Variants in HMGCLL1 observed in about 807,000 individuals in gnomAD.
The protein encoded by HMGCLL1 is 3-hydroxymethyl-3-methylglutaryl-CoA lyase, cytoplasmic.
A neutral mutation model predicts 39.1 loss-of-function variants in HMGCLL1; 36 were observed. That is an observed-to-expected ratio of 0.92 (90% CI 0.71 to 1.22). The LOEUF (loss-of-function observed/expected upper bound fraction) is 1.22. HMGCLL1 is among the 50% of genes most tolerant of loss of function. The pLI is 0.00. For missense variants in HMGCLL1, 451 were observed against 416.5 expected (o/e 1.08, Z -0.72); for synonymous variants, 149 against 144.0 (o/e 1.03, Z -0.25).
chr6:55,662,688 G>T, the HMGCLL1 span, among the ~76,000 whole-genome samples: 1 of 151,766 alleles, frequency 6.6e-6, no homozygotes, highest in Non-Finnish European at 1.5e-5. Flanking sequence ...GATGATGATG[G>T]CCTCATAGAA....
intron 7 of HMGCLL1, among the ~76,000 whole-genome samples, chr6:55,477,309 TATA>T (rs1765443696): frequency 3.7e-4 from 5 of 13,544 alleles, no homozygotes; most frequent in Non-Finnish European, 4.9e-4. Context: ...ATATATTATA[TATA>T]TAATATATAT....
At chr6:55,550,049 C>T (rs1478319884) in intron 1 of HMGCLL1, among the ~76,000 whole-genome samples, 1 of 151,866 alleles carries the variant, frequency 6.6e-6, no homozygotes, top group East Asian at 1.9e-4. Context: ...AACAAAAATT[C>T]TCAGAAAACA....
intron 1 of HMGCLL1, among the ~76,000 whole-genome samples, chr6:55,567,104 A>G (rs1270084230): frequency 1.3e-5 from 2 of 152,134 alleles, no homozygotes; most frequent in Non-Finnish European, 2.9e-5. Context: ...CATTTAATAA[A>G]GAGATATTTC....
intron 7 of HMGCLL1, among the ~76,000 whole-genome samples, chr6:55,489,319 A>G (rs1766198210): frequency 6.6e-6 from 1 of 152,064 alleles, no homozygotes; most frequent in East Asian, 1.9e-4. Context: ...AAGATATTGA[A>G]AACAAGATTA....
chr6:55,471,162 TACATA>T (rs901849356), intron 7 of HMGCLL1, among the ~76,000 whole-genome samples: 5 of 151,988 alleles, frequency 3.3e-5, no homozygotes, highest in Admixed American at 2.0e-4. Context: ...TTTTGGACTT[TACATA>T]ACTAGAATAT....
intron 7 of HMGCLL1, among the ~76,000 whole-genome samples, chr6:55,456,808 G>A (rs1581800646): frequency 6.6e-6 from 1 of 152,088 alleles, no homozygotes; most frequent in East Asian, 1.9e-4. Context: ...CAGCCTATAG[G>A]GCTCACTGCT....
chr6:55,436,171 C>T (rs546546468), intron 8 of HMGCLL1, among the ~76,000 whole-genome samples: 48 of 151,678 alleles, frequency 3.2e-4, no homozygotes, highest in African/African-American at 1.0e-3. Context: ...ATCCTCTTTA[C>T]TATATAAAGA....
At chr6:55,488,592 A>G (rs1207660757) in intron 7 of HMGCLL1, among the ~76,000 whole-genome samples, 2 of 152,044 alleles carry the variant, frequency 1.3e-5, no homozygotes, top group African/African-American at 4.8e-5. Context: ...AATAATTTAT[A>G]TTGTATATTA....
At chr6:55,596,245 T>G in the HMGCLL1 span, among the ~76,000 whole-genome samples, 3 of 152,156 alleles carry the variant, frequency 2.0e-5, no homozygotes, top group African/African-American at 7.2e-5. Context: ...GAAAATCGCT[T>G]GAGCCCGGGA....
intron 7 of HMGCLL1, among the ~76,000 whole-genome samples, chr6:55,443,176 A>G (rs1007255085): frequency 6.6e-5 from 10 of 152,126 alleles, no homozygotes; most frequent in Non-Finnish European, 2.9e-5. Flanking sequence ...CCCTTTATCA[A>G]TCCGGGGTAT....
the HMGCLL1 span, among the ~76,000 whole-genome samples, chr6:55,670,329 C>A: frequency 6.6e-6 from 1 of 151,576 alleles, no homozygotes; most frequent in African/African-American, 2.4e-5. Context: ...TGCCAGCAGG[C>A]CTGCTATTTA....
At chr6:55,486,045 C>A in intron 7 of HMGCLL1, among the ~76,000 whole-genome samples, 1 of 150,314 alleles carries the variant, frequency 6.7e-6, no homozygotes, top group Non-Finnish European at 1.5e-5. Context: ...AACATACACA[C>A]AAGTTAAGGG....
intron 7 of HMGCLL1, among the ~76,000 whole-genome samples, chr6:55,475,918 T>A (rs567035916): frequency 6.6e-6 from 1 of 151,712 alleles, no homozygotes; most frequent in Admixed American, 6.6e-5. Flanking sequence ...TGAATTTCTT[T>A]CTCAGCTCTC....
the HMGCLL1 span, among the ~76,000 whole-genome samples, chr6:55,599,444 TAAGTTGGAAG>T: frequency 1.3e-5 from 2 of 152,090 alleles, no homozygotes; most frequent in African/African-American, 2.4e-5. Context: ...ATAAAGAAGA[TAAGTTGGAAG>T]AAGTTGGAAG....
intron 1 of HMGCLL1, among the ~76,000 whole-genome samples, chr6:55,561,488 C>T (rs1770944632): frequency 6.6e-6 from 1 of 152,092 alleles, no homozygotes; most frequent in Admixed American, 6.6e-5. Context: ...AAAGCCATTT[C>T]CTGGGATCCC....
At chr6:55,506,439 C>G (rs146359301) in intron 5 of HMGCLL1, among the ~76,000 whole-genome samples, 2 of 151,628 alleles carry the variant, frequency 1.3e-5, no homozygotes, top group African/African-American at 4.8e-5. Flanking sequence ...GGTAGAGTAG[C>G]CTTCCCTTAT....
chr6:55,649,971 A>G, the HMGCLL1 span, among the ~76,000 whole-genome samples: 108 of 148,574 alleles, frequency 7.3e-4, no homozygotes, highest in African/African-American at 2.5e-3. Context: ...AATTTATCTG[A>G]TATAATTCTG....
At chr6:55,586,219 G>A in the HMGCLL1 span, among the ~76,000 whole-genome samples, 30 of 151,952 alleles carry the variant, frequency 2.0e-4, no homozygotes, top group Non-Finnish European at 2.1e-4. Context: ...AGAAGTAAAG[G>A]CAGTAGGTTT....
chr6:55,439,367 C>T, intron 8 of HMGCLL1, 67 bp downstream of exon 8: 1 of 1,506,772 alleles, frequency 6.6e-7, no homozygotes, highest in Non-Finnish European at 9.0e-7. Context: ...CTTCCCACAT[C>T]TTAGAAGCTT....
Sources: gnomAD v4.1 joint callset for allele counts (sites outside exome capture counted in the v4.1 genomes callset) on GRCh38, gnomAD v4.1.1 for gene constraint, MANE v1.5 for transcripts, NCBI Gene and HGNC (gene_info 2026-07-23, HGNC 2026-07-21) for gene names.